Variants in CCDC33 observed in about 807,000 individuals in gnomAD.
CCDC33 encodes the protein coiled-coil domain containing 33, also known as coiled-coil domain-containing protein 33.
In CCDC33, 94 loss-of-function variants were observed where a neutral mutation model predicts 91.9. That is an observed-to-expected ratio of 1.02 (90% CI 0.87 to 1.21). CCDC33 has a LOEUF of 1.21. Among genes scored for constraint, CCDC33 ranks in the 50% most tolerant of loss-of-function variants. The probability of loss-of-function intolerance (pLI) is 0.00; values close to 1 mark genes in which losing one functional copy is unlikely to be tolerated. For missense variants in CCDC33, 940 were observed against 935.5 expected (o/e 1.00, Z -0.06); for synonymous variants, 396 against 374.5 (o/e 1.06, Z -0.66).
At chr15:74,296,022 G>T in intron 11 of CCDC33, 74 bp downstream of exon 11, 3 of 1,333,898 alleles carry the variant, frequency 2.2e-6, no homozygotes, top group Non-Finnish European at 3.1e-6. Context: ...ACTGCCATCT[G>T]CAGGACTGCT....
At chr15:74,336,464 T>C (rs1472323486), downstream of CCDC33, 94 of 1,258,364 alleles carry the variant, frequency 7.5e-5, no homozygotes, top group Non-Finnish European at 9.4e-5. Context: ...CTGATATTCC[T>C]TCTTTCAAGT....
intron 2 of CCDC33, chr15:74,209,566 G>GC (rs2074337669): frequency 1.2e-6 from 1 of 833,264 alleles, no homozygotes; most frequent in African/African-American, 1.7e-5. Flanking sequence ...AGTGAAAAAG[G>GC]CCCCCTCGGA....
At chr15:74,309,676 G>C (rs773262785) in intron 11 of CCDC33, among the ~76,000 whole-genome samples, 13 of 152,054 alleles carry the variant, frequency 8.5e-5, no homozygotes, top group Non-Finnish European at 1.8e-4. Context: ...CTGGGAACAA[G>C]CTTCCATCTC....
intron 17 of CCDC33, among the ~76,000 whole-genome samples, chr15:74,334,568 A>G (rs1293937626): frequency 6.6e-6 from 1 of 151,254 alleles, no homozygotes; most frequent in African/African-American, 2.4e-5. Flanking sequence ...TTCAGTGTGC[A>G]ACCAGGGTCA....
chr15:74,203,314 C>T, intron 1 of CCDC33: 1 of 563,220 alleles, frequency 1.8e-6, no homozygotes, highest in Non-Finnish European at 2.3e-6. Flanking sequence ...CAAGAGGAGC[C>T]CCGCCTGCCT....
chr15:74,330,607 T>A, intron 12 of CCDC33, 56 bp from the exon 13 acceptor site: 1 of 1,393,732 alleles, frequency 7.2e-7, no homozygotes, highest in South Asian at 1.2e-5. Context: ...CTGACCATGC[T>A]GATTTGAGCT....
At chr15:74,324,325 T>G (rs1252042931) in intron 11 of CCDC33, among the ~76,000 whole-genome samples, 1 of 152,122 alleles carries the variant, frequency 6.6e-6, no homozygotes, top group Non-Finnish European at 1.5e-5. Flanking sequence ...AGTATCCCGC[T>G]GTATGGGTCT....
chr15:74,236,519 C>CCCA lies in CCDC33; in HGVS notation c.-199_-198insACC. On this transcript the variant is annotated 5_prime_UTR_variant, in exon 1 of 19. Transcript: ENST00000398814. ...ACCTGCTCCCACCTGGCCACCCTCC[C>CCCA]CCTCCCCCCACATCCAGGCCCCAGG... 6 of 410,048 alleles carry CCCA rather than the reference C, an allele frequency of 1.5e-5. No individual in the cohort carries two copies. The highest frequency in any genetic ancestry group is 8.5e-5 in the East Asian group (2 of 23,522). The allele number at this position is 410,048 out of a possible 1,614,324, so 25.4% of individuals were successfully genotyped here.
chr15:74,279,942 G>A, intron 7 of CCDC33, 21 bp from the exon 8 acceptor site: 1 of 1,611,574 alleles, frequency 6.2e-7, no homozygotes, highest in Non-Finnish European at 8.5e-7. Context: ...CCCACCACCT[G>A]CTCCTACCCT....
At chr15:74,334,916 C>A in intron 17 of CCDC33, 59 bp from the exon 18 acceptor site, 1 of 1,354,138 alleles carries the variant, frequency 7.4e-7, no homozygotes, top group Non-Finnish European at 1.1e-6. Flanking sequence ...GTTGTCCTGG[C>A]CATCAGGGAT....
intron 2 of CCDC33, among the ~76,000 whole-genome samples, chr15:74,227,685 TGA>T (rs2074846610): frequency 6.6e-6 from 1 of 152,162 alleles, no homozygotes; most frequent in Non-Finnish European, 1.5e-5. Context: ...CCACCCTGTC[TGA>T]GAAGTGACAG....
rs1427185469 is a variant in CCDC33 at position 74,218,046 on chromosome 15, C to T, written c.311-451C>T. On this transcript the variant is annotated intron_variant, in intron 1 of 2. Coordinates refer to the CCDC33 transcript ENST00000635913. The surrounding 1 kb of genome is among the most constrained non-coding windows in gnomAD (Gnocchi z 4.8). ...CAGAGCAGGTGGAGAGGAAGGAACT[C>T]CAAGCAGAGAAAAGTAAAGTGAGCT... is the stretch of plus-strand genomic sequence containing the variant. Among the ~76,000 whole-genome samples the T allele has an allele frequency of 6.6e-6, 1 of 151,794 alleles. No individual in the cohort carries two copies. The highest frequency in any genetic ancestry group is 1.5e-5 in the Non-Finnish European group (1 of 67,972).
upstream of CCDC33, chr15:74,217,151 A>G: frequency 1.5e-6 from 1 of 677,318 alleles, no homozygotes; most frequent in Non-Finnish European, 2.0e-6. Context: ...CTCCTCAAAC[A>G]AACAGAGGTG....
At chr15:74,205,032 G>A (rs765047624) in intron 1 of CCDC33, among the ~76,000 whole-genome samples, 1 of 152,222 alleles carries the variant, frequency 6.6e-6, no homozygotes, top group Non-Finnish European at 1.5e-5. Flanking sequence ...AGCAAGATGA[G>A]TCAAGGCCTG....
upstream of CCDC33, among the ~76,000 whole-genome samples, chr15:74,231,357 C>T (rs1275393959): frequency 6.6e-6 from 1 of 152,254 alleles, no homozygotes; most frequent in Admixed American, 6.5e-5. Flanking sequence ...CCCCCTGGCT[C>T]TGCCCTTGCT....
upstream of CCDC33, among the ~76,000 whole-genome samples, chr15:74,233,383 G>T (rs534610077): frequency 6.6e-6 from 1 of 152,332 alleles, no homozygotes; most frequent in Non-Finnish European, 1.5e-5. Flanking sequence ...GTCTTCACTT[G>T]TTGGCTGAAG....
intron 2 of CCDC33, among the ~76,000 whole-genome samples, chr15:74,224,731 G>A (rs1455167977): frequency 6.6e-6 from 1 of 152,238 alleles, no homozygotes; most frequent in East Asian, 1.9e-4. Context: ...CTGGCAAGAT[G>A]AAATGAGCTA....
At chr15:74,239,804 A>G (rs558381169) in intron 1 of CCDC33, among the ~76,000 whole-genome samples, 103 of 145,730 alleles carry the variant, frequency 7.1e-4, no homozygotes, top group African/African-American at 2.5e-3. Flanking sequence ...ACCCCTACAG[A>G]TGAGTTTGTG....
At chr15:74,257,571 G>T (rs1238886237) in intron 2 of CCDC33, among the ~76,000 whole-genome samples, 1 of 152,162 alleles carries the variant, frequency 6.6e-6, no homozygotes, top group Non-Finnish European at 1.5e-5. Flanking sequence ...GCAAAAAGGG[G>T]CCTTGAGAGG....
Sources: allele counts gnomAD v4.1 joint callset (sites outside exome capture counted in the v4.1 genomes callset), GRCh38; gene constraint gnomAD v4.1.1; non-coding constraint Gnocchi (gnomAD v3.1); transcripts MANE v1.5; gene names NCBI Gene and HGNC (gene_info 2026-07-23, HGNC 2026-07-21).